Variants in CLYBL observed in about 807,000 individuals in gnomAD.
The protein encoded by CLYBL is citramalyl-CoA lyase.
In CLYBL, 31 loss-of-function variants were observed where a neutral mutation model predicts 38.9. That is an observed-to-expected ratio of 0.80 (90% CI 0.60 to 1.08). CLYBL has a LOEUF of 1.08. Ranked by LOEUF, CLYBL falls within the 50% of genes least tolerant of loss-of-function variation. CLYBL has a pLI of 0.00. For missense variants in CLYBL, 434 were observed against 411.6 expected (o/e 1.05, Z -0.47); for synonymous variants, 171 against 158.6 (o/e 1.08, Z -0.59).
At chr13:99,876,700 T>C (rs1055600461) in intron 7 of CLYBL, among the ~76,000 whole-genome samples, 3 of 152,158 alleles carry the variant, frequency 2.0e-5, no homozygotes, top group Non-Finnish European at 4.4e-5. Context: ...AGCTGCCCAG[T>C]ATCACTCACA....
At chr13:99,749,454 GCCCCTGCTTTGTACCAGGAAC>G (rs1478386001) in intron 1 of CLYBL, among the ~76,000 whole-genome samples, 1 of 152,080 alleles carries the variant, frequency 6.6e-6, no homozygotes, top group East Asian at 1.9e-4. Context: ...CCTTCCCGGT[GCCCCTGCTTTGTACCAGGAAC>G]CCCACAATAG....
chr13:99,863,387 T>A (rs1414173616), intron 4 of CLYBL, among the ~76,000 whole-genome samples: 1 of 152,242 alleles, frequency 6.6e-6, no homozygotes, highest in Non-Finnish European at 1.5e-5. Context: ...TTATATGCTT[T>A]GAATTATTGC....
At chr13:99,885,637 C>T (rs912288) in intron 7 of CLYBL, among the ~76,000 whole-genome samples, 130,666 of 151,972 alleles carry the variant, frequency 0.86, 56,499 homozygotes, top group African/African-American at 0.93. Context: ...AGCTTTGGAG[C>T]CGGGAAGCCT....
chr13:99,797,659 G>A (rs578191809), intron 2 of CLYBL, among the ~76,000 whole-genome samples: 18 of 151,374 alleles, frequency 1.2e-4, no homozygotes, highest in Non-Finnish European at 2.4e-4. Flanking sequence ...CTTAGTCCAT[G>A]TATCACCAAG....
intron 1 of CLYBL, among the ~76,000 whole-genome samples, chr13:99,607,198 A>G (rs184102391): frequency 4.2e-3 from 238 of 56,404 alleles, no homozygotes; most frequent in African/African-American, 0.01. Flanking sequence ...GCTTATATCT[A>G]TTGATTTTTG....
chr13:99,759,431 A>G (rs983301935), intron 1 of CLYBL, among the ~76,000 whole-genome samples: 2 of 152,158 alleles, frequency 1.3e-5, no homozygotes. Context: ...ACTCTTCCAC[A>G]AGAAGAACAG....
At chr13:99,756,346 G>A (rs1310243219) in intron 1 of CLYBL, among the ~76,000 whole-genome samples, 1 of 152,192 alleles carries the variant, frequency 6.6e-6, no homozygotes, top group Non-Finnish European at 1.5e-5. Flanking sequence ...AGACACCTTA[G>A]TTGTACTTAC....
intron 3 of CLYBL, among the ~76,000 whole-genome samples, chr13:99,862,709 GT>G: frequency 6.6e-6 from 1 of 152,266 alleles, no homozygotes; most frequent in East Asian, 1.9e-4. Flanking sequence ...CAGGGAAAGC[GT>G]TTATACTCTC....
chr13:99,793,898 AAAAG>A (rs959800321), intron 2 of CLYBL, among the ~76,000 whole-genome samples: 165 of 152,130 alleles, frequency 1.1e-3, no homozygotes, highest in African/African-American at 3.7e-3. Flanking sequence ...AAAAAAAAAA[AAAAG>A]AAAGAAAATG....
chr13:99,858,628 A>G (rs1322612426), intron 2 of CLYBL, among the ~76,000 whole-genome samples: 1 of 152,224 alleles, frequency 6.6e-6, no homozygotes, highest in Non-Finnish European at 1.5e-5. Flanking sequence ...ACCCATGTGC[A>G]CTGCGGTGCG....
chr13:99,872,172 C>A (rs1037871925), intron 7 of CLYBL, among the ~76,000 whole-genome samples: 1 of 152,126 alleles, frequency 6.6e-6, no homozygotes, highest in African/African-American at 2.4e-5. Flanking sequence ...CCACATTCAA[C>A]CCATGCACAC....
At chr13:99,817,004 G>A (rs1266765836) in intron 2 of CLYBL, among the ~76,000 whole-genome samples, 1 of 152,124 alleles carries the variant, frequency 6.6e-6, no homozygotes, top group Non-Finnish European at 1.5e-5. Flanking sequence ...GAATGACCCC[G>A]GAAATGTGAG....
intron 7 of CLYBL, among the ~76,000 whole-genome samples, chr13:99,890,867 A>G (rs2052471645): frequency 6.6e-6 from 1 of 152,142 alleles, no homozygotes. Context: ...TAACCTTATC[A>G]TGTTACCTCT....
chr13:99,807,583 G>A (rs1401778026), intron 2 of CLYBL, among the ~76,000 whole-genome samples: 3 of 151,996 alleles, frequency 2.0e-5, no homozygotes, highest in Non-Finnish European at 2.9e-5. Flanking sequence ...GACAAATCCT[G>A]TATAATTCCA....
intron 1 of CLYBL, among the ~76,000 whole-genome samples, chr13:99,765,295 G>A (rs1014784133): frequency 2.6e-5 from 4 of 152,084 alleles, no homozygotes; most frequent in Non-Finnish European, 4.4e-5. Context: ...ACATTGGAGT[G>A]CCTTTATATG....
At chr13:99,615,306 G>A (rs1015397096) in intron 1 of CLYBL, among the ~76,000 whole-genome samples, 2 of 152,226 alleles carry the variant, frequency 1.3e-5, no homozygotes, top group African/African-American at 2.4e-5. Flanking sequence ...TTTTATGCGG[G>A]ACTCCCTGTG....
At chr13:99,755,718 A>T (rs553348923) in intron 1 of CLYBL, among the ~76,000 whole-genome samples, 2 of 152,184 alleles carry the variant, frequency 1.3e-5, no homozygotes, top group South Asian at 4.2e-4. Context: ...AGCTCCCATG[A>T]AGTCTCCCAG....
rs5806139 is a variant in CLYBL, at chr13:99,846,286, ATTT to A, written c.250-12554_250-12552del. Among the ~76,000 whole-genome samples, 290 of 108,148 alleles carry A rather than the reference ATTT, an allele frequency of 2.7e-3. 1 individual carries two copies. Among genetic ancestry groups the A allele is most frequent in the African/African-American group, 9.2e-3 (282 of 30,576 alleles). 70.9% of individuals were successfully genotyped at this position (108,148 alleles called of 152,430 possible). The stretch of plus-strand genomic sequence containing the variant: ...CAATATTACCAAATATTGTGTGGAG[ATTT>A]TTTTTTTTTTTTTTTTTTTTGAGAC... On this transcript the variant is annotated intron_variant, in intron 2 of 8. Transcript: ENST00000339105.
chr13:99,721,684 T>C (rs1471873285), intron 1 of CLYBL, among the ~76,000 whole-genome samples: 1 of 148,534 alleles, frequency 6.7e-6, no homozygotes, highest in Non-Finnish European at 1.5e-5. Flanking sequence ...TTACTGTTCT[T>C]GTGTCACTTT....
Sources: allele counts gnomAD v4.1 joint callset (sites outside exome capture counted in the v4.1 genomes callset), GRCh38; gene constraint gnomAD v4.1.1; transcripts MANE v1.5; gene names NCBI Gene and HGNC (gene_info 2026-07-23, HGNC 2026-07-21).